CIMIP6: variants seen among roughly 807,000 people sequenced by gnomAD.
CIMIP6 encodes ciliary microtubule inner protein 6.
At chr2:54,337,214 C>G in the CIMIP6 span, among the ~76,000 whole-genome samples, 14 of 152,244 alleles carry the variant, frequency 9.2e-5, no homozygotes, top group Admixed American at 7.2e-4. Flanking sequence ...TTTGTGAGCT[C>G]TCTTCGTACT....
the CIMIP6 span, among the ~76,000 whole-genome samples, chr2:54,343,487 G>C: frequency 6.6e-6 from 1 of 152,146 alleles, no homozygotes; most frequent in Admixed American, 6.5e-5. Flanking sequence ...AAGGAAGGTA[G>C]CTTAAGAATT....
At chr2:54,373,237 G>T in the CIMIP6 span, among the ~76,000 whole-genome samples, 1 of 151,982 alleles carries the variant, frequency 6.6e-6, no homozygotes. Context: ...AACCAGCCAC[G>T]CTCCAAGCCC....
the CIMIP6 span, among the ~76,000 whole-genome samples, chr2:54,348,392 C>T: frequency 2.0e-5 from 3 of 152,156 alleles, no homozygotes; most frequent in African/African-American, 7.2e-5. Flanking sequence ...GCATGATTCT[C>T]TCTCTGTTCT....
chr2:54,362,623 C>G, the CIMIP6 span, among the ~76,000 whole-genome samples: 4 of 152,220 alleles, frequency 2.6e-5, no homozygotes, highest in Non-Finnish European at 5.9e-5. Context: ...TCTCGGCTCA[C>G]TGCAATCTCC....
chr2:54,373,591 A>G, the CIMIP6 span, among the ~76,000 whole-genome samples: 1 of 152,130 alleles, frequency 6.6e-6, no homozygotes. Flanking sequence ...TGCTGCCCTC[A>G]GAGAGTAATC....
chr2:54,354,653 T>C, the CIMIP6 span, among the ~76,000 whole-genome samples: 7 of 152,120 alleles, frequency 4.6e-5, no homozygotes, highest in Admixed American at 4.6e-4. Context: ...AGAGAAATGC[T>C]CTTGATTTTT....
chr2:54,381,744 A>G, the CIMIP6 span: 5 of 1,405,568 alleles, frequency 3.6e-6, no homozygotes, highest in Non-Finnish European at 4.6e-6. Flanking sequence ...TGACTTTTCC[A>G]TCATGGGCAC....
chr2:54,374,929 A>T, the CIMIP6 span, among the ~76,000 whole-genome samples: 1 of 152,208 alleles, frequency 6.6e-6, no homozygotes, highest in Non-Finnish European at 1.5e-5. Context: ...AGCATTTATT[A>T]ATCTTACTGG....
chr2:54,360,642 TTTCTG>T, the CIMIP6 span: 1 of 1,349,874 alleles, frequency 7.4e-7, no homozygotes, highest in Non-Finnish European at 9.8e-7. Flanking sequence ...CACATTTACT[TTTCTG>T]TTATCAGTAA....
At chr2:54,369,019 G>A in the CIMIP6 span, among the ~76,000 whole-genome samples, 5,573 of 152,262 alleles carry the variant, frequency 0.037, 130 homozygotes, top group Middle Eastern at 0.11. Context: ...TCAAACATGA[G>A]GGTGGTCTTG....
chr2:54,343,709 T>C, the CIMIP6 span: 3 of 1,558,184 alleles, frequency 1.9e-6, no homozygotes, highest in South Asian at 3.7e-5. Flanking sequence ...TTCCAATTAT[T>C]TTCTATAAAG....
At chr2:54,383,343 C>T in the CIMIP6 span, 2 of 152,226 alleles carry the variant, frequency 1.3e-5, no homozygotes, top group Non-Finnish European at 2.9e-5. Flanking sequence ...CATGTTAATA[C>T]CTGTCATAAA....
the CIMIP6 span, among the ~76,000 whole-genome samples, chr2:54,335,681 A>G: frequency 6.6e-6 from 1 of 152,154 alleles, no homozygotes; most frequent in Non-Finnish European, 1.5e-5. Context: ...TTAGTTTCCT[A>G]TTGCTGATGT....
At chr2:54,350,971 T>TCC in the CIMIP6 span, among the ~76,000 whole-genome samples, 1 of 152,252 alleles carries the variant, frequency 6.6e-6, no homozygotes, top group Non-Finnish European at 1.5e-5. Context: ...TATAAGATTT[T>TCC]TAATTTCAAA....
the CIMIP6 span, chr2:54,343,596 C>T: frequency 3.6e-5 from 21 of 583,998 alleles, no homozygotes; most frequent in Admixed American, 1.3e-4. Context: ...TTCAGAACTC[C>T]ACATTAGTAC....
chr2:54,356,146 A>C, the CIMIP6 span, among the ~76,000 whole-genome samples: 2 of 151,304 alleles, frequency 1.3e-5, no homozygotes, highest in Non-Finnish European at 3.0e-5. Flanking sequence ...AAACTGTTAA[A>C]AAAAAAAAAA....
At chr2:54,331,526 GA>G in the CIMIP6 span, among the ~76,000 whole-genome samples, 2 of 151,708 alleles carry the variant, frequency 1.3e-5, no homozygotes, top group African/African-American at 4.8e-5. Flanking sequence ...ATGGCCTATG[GA>G]GTCTACACAA....
chr2:54,333,416 G>C, the CIMIP6 span, among the ~76,000 whole-genome samples: 1 of 152,184 alleles, frequency 6.6e-6, no homozygotes. Context: ...GCATGTGCAG[G>C]TGCCGTGAGG....
chr2:54,362,524 A>T, the CIMIP6 span, among the ~76,000 whole-genome samples: 7 of 151,902 alleles, frequency 4.6e-5, no homozygotes, highest in Non-Finnish European at 1.0e-4. Flanking sequence ...TCTATCGTCT[A>T]TGTCTCTCAT....
Sources: allele counts gnomAD v4.1 joint callset (sites outside exome capture counted in the v4.1 genomes callset), GRCh38; gene constraint gnomAD v4.1.1; transcripts MANE v1.5; gene names NCBI Gene and HGNC (gene_info 2026-07-23, HGNC 2026-07-21).